The following ABCG2 variants were observed in gnomAD, a reference collection of about 807,000 sequenced individuals.
ABCG2 encodes the protein ATP binding cassette subfamily G member 2 (JR blood group).
ABCG2 carries 80 observed loss-of-function variants against 73.5 expected under a neutral mutation model. The ratio of observed to expected loss-of-function variants is 1.09; its 90% confidence interval spans 0.91 to 1.31. The LOEUF is 1.31. Among genes scored for constraint, ABCG2 ranks in the 50% most tolerant of loss-of-function variants. The pLI is 0.00. For synonymous variants in ABCG2, 269 were observed against 282.4 expected, an observed-to-expected ratio of 0.95 and a Z score of 0.48; for missense variants, 796 against 786.2, an observed-to-expected ratio of 1.01 and a Z score of -0.15.
At chr4:88,230,325 ATATATATATATATATATATATTTT>A (rs1311274191) in intron 1 of ABCG2, among the ~76,000 whole-genome samples, 1 of 146 alleles carries the variant, frequency 6.8e-3, no homozygotes, top group Admixed American at 0.12. Context: ...TTTTGGCCAC[ATATATATATATATATATATATTTT>A]TTGAGACGGA....
chr4:88,123,596 C>T (rs1219085440), intron 5 of ABCG2, among the ~76,000 whole-genome samples: 1 of 151,698 alleles, frequency 6.6e-6, no homozygotes, highest in South Asian at 2.1e-4. Context: ...TGAAATAAAG[C>T]GTGAAGACAA....
At chr4:88,132,499 G>T in intron 3 of ABCG2, 77 bp downstream of exon 3, 2 of 1,456,742 alleles carry the variant, frequency 1.4e-6, no homozygotes, top group Non-Finnish European at 1.9e-6. Context: ...ATACCTGCTC[G>T]CACACAAAAA....
At chr4:88,215,838 G>C (rs1184921781) in intron 1 of ABCG2, among the ~76,000 whole-genome samples, 1 of 152,190 alleles carries the variant, frequency 6.6e-6, no homozygotes, top group Non-Finnish European at 1.5e-5. Flanking sequence ...AGGTCCGTTA[G>C]GCAGAAACCT....
chr4:88,192,201 A>G (rs955868571), intron 1 of ABCG2, among the ~76,000 whole-genome samples: 3 of 151,064 alleles, frequency 2.0e-5, no homozygotes, highest in African/African-American at 7.3e-5. Context: ...AAAAAAAGAA[A>G]GAAATTTGTT....
chr4:88,227,352 C>T (rs184005508), intron 1 of ABCG2, among the ~76,000 whole-genome samples: 34 of 152,202 alleles, frequency 2.2e-4, no homozygotes, highest in African/African-American at 7.0e-4. Context: ...GCCGAGATCG[C>T]GCCATTGTAC....
At position 88,131,797 on chromosome 4, in the gene ABCG2, A is replaced by G. The variant is rs1393462164; in HGVS notation, c.378+6T>C. On this transcript the variant is annotated splice_donor_region_variant and intron_variant, in intron 4 of 15. Coordinates refer to ENST00000237612, the MANE Select transcript of ABCG2 (RefSeq NM_004827.3). ...AAACAGAAAATGCAAACCCACTAAT[A>G]CTTACTTGTACCACGTAACCTGAAT... is the stretch of plus-strand genomic sequence containing the variant. 4 of 1,608,216 alleles carry G rather than the reference A, an allele frequency of 2.5e-6. No homozygotes were observed. Among genetic ancestry groups the G allele is most frequent in the Non-Finnish European group, 3.4e-6 (4 of 1,176,018 alleles).
chr4:88,154,980 G>A (rs544013977), intron 1 of ABCG2, among the ~76,000 whole-genome samples: 12 of 152,234 alleles, frequency 7.9e-5, no homozygotes, highest in Middle Eastern at 3.4e-3. Flanking sequence ...GCTACAGGAC[G>A]CGATCCTGGT....
intron 4 of ABCG2, among the ~76,000 whole-genome samples, chr4:88,131,560 T>C (rs1434868087): frequency 1.3e-5 from 2 of 152,252 alleles, no homozygotes; most frequent in Non-Finnish European, 2.9e-5. Context: ...AACAGTAGTA[T>C]GTATCATTTT....
chr4:88,108,218 T>C (rs1026651730), intron 9 of ABCG2, among the ~76,000 whole-genome samples: 7 of 152,170 alleles, frequency 4.6e-5, no homozygotes, highest in Non-Finnish European at 1.0e-4. Context: ...ACTCGTGAGT[T>C]AAATATTAAA....
Position 88,113,306 on chromosome 4 carries a change from A to T in ABCG2, c.1191T>A (p.Ala397=). The change falls in exon 9 of 16, where the codon GCT becomes GCA. Residue 397 remains alanine, a synonymous_variant. Coordinates refer to ENST00000237612, the MANE Select transcript of ABCG2 (RefSeq NM_004827.3). ...TTCAAAAGAATCTGCTGGTTACCTG[A>T]GCTATAGAGGCCTGGGGATTACCCA... ...NLLGNPQASI[A]QIIVTVVLGL... 4 of 1,613,460 alleles carry T rather than the reference A, an allele frequency of 2.5e-6. No individual in the cohort carries two copies. The highest frequency in any genetic ancestry group is 3.4e-6 in the Non-Finnish European group (4 of 1,179,864).
At chr4:88,157,367 C>G (rs1419299273) in intron 1 of ABCG2, among the ~76,000 whole-genome samples, 4 of 152,124 alleles carry the variant, frequency 2.6e-5, no homozygotes, top group African/African-American at 4.8e-5. Flanking sequence ...AAAGTGAGAT[C>G]ATCGATTGGA....
At chr4:88,136,797 C>A (rs1229790681) in intron 2 of ABCG2, among the ~76,000 whole-genome samples, 1 of 151,972 alleles carries the variant, frequency 6.6e-6, no homozygotes, top group Non-Finnish European at 1.5e-5. Context: ...AGGTGGATCA[C>A]CTGAGGTCAG....
In ABCG2 at chr4:88,118,139, G is replaced by C. The variant is rs752212395; in HGVS notation, c.811C>G (p.Gln271Glu). 2.5e-6 allele frequency: 4 copies of C among 1,613,900 alleles called. No individual in the cohort carries two copies. In the Admixed American group the frequency reaches 6.7e-5, roughly 27 times the overall value. ...SGRLMFHGPA[Q>E]EALGYFESAG... is the part of the protein sequence containing the mutation. ...GATTCAAAGTATCCCAAGGCCTCCT[G>C]AGCAGGCCCGTGGAACATAAGTCTT... The change falls in exon 7 of 16, where the codon CAG (glutamine) becomes GAG (glutamate). Residue 271 changes from glutamine (Q) to glutamate (E), a missense_variant. Transcript: ENST00000237612.
chr4:88,128,942 C>G (rs1578206961), intron 5 of ABCG2, among the ~76,000 whole-genome samples: 1 of 152,204 alleles, frequency 6.6e-6, no homozygotes, highest in East Asian at 1.9e-4. Flanking sequence ...AAAAAAGCAC[C>G]TGCTTTTAAC....
At chr4:88,141,452 A>C (rs1261989316) in intron 1 of ABCG2, among the ~76,000 whole-genome samples, 1 of 152,196 alleles carries the variant, frequency 6.6e-6, no homozygotes, top group Non-Finnish European at 1.5e-5. Context: ...CAGATATTTC[A>C]GCAGTCTGTC....
chr4:88,191,033 A>G (rs7690487), intron 1 of ABCG2, among the ~76,000 whole-genome samples: 150,492 of 151,416 alleles, frequency 0.99, 74,789 homozygotes, highest in East Asian at 1. Flanking sequence ...TCAGGAGATC[A>G]AGACCATCCT....
chr4:88,121,504 T>C (rs1018409403), intron 6 of ABCG2, 131 bp downstream of exon 6: 2 of 893,746 alleles, frequency 2.2e-6, no homozygotes, highest in South Asian at 1.9e-5. Flanking sequence ...TTTTCATTTG[T>C]TAACTGACTT....
intron 1 of ABCG2, among the ~76,000 whole-genome samples, chr4:88,210,984 A>G (rs573037155): frequency 6.6e-6 from 1 of 152,136 alleles, no homozygotes; most frequent in Non-Finnish European, 1.5e-5. Context: ...GAATGAGGTG[A>G]GAGGATTTCT....
intron 7 of ABCG2, among the ~76,000 whole-genome samples, chr4:88,116,472 A>T (rs373285359): frequency 6.6e-6 from 1 of 152,268 alleles, no homozygotes; most frequent in East Asian, 1.9e-4. Context: ...ATTTGTAATC[A>T]TATCCAAATA....
Sources: allele counts gnomAD v4.1 joint callset (sites outside exome capture counted in the v4.1 genomes callset), GRCh38; gene constraint gnomAD v4.1.1; transcripts MANE v1.5; gene names NCBI Gene and HGNC (gene_info 2026-07-23, HGNC 2026-07-21).